LRP1B: variants seen among roughly 807,000 people sequenced by gnomAD.
LRP1B encodes low-density lipoprotein receptor-related protein 1B.
In LRP1B, 217 loss-of-function variants were observed where a neutral mutation model predicts 556.6. That is an observed-to-expected ratio of 0.39 (90% CI 0.35 to 0.44). The LOEUF (loss-of-function observed/expected upper bound fraction) is 0.44. Among genes scored for constraint, LRP1B ranks in the 20% least tolerant of loss-of-function variants. LRP1B has a pLI of 1.00. For missense variants in LRP1B, 5,053 were observed against 5,620.8 expected (o/e 0.90, Z 3.23); for synonymous variants, 2,047 against 1,865.8 (o/e 1.10, Z -2.50).
intron 32 of LRP1B, among the ~76,000 whole-genome samples, chr2:140,807,182 A>T (rs1393916305): frequency 1.3e-5 from 2 of 152,202 alleles, no homozygotes; most frequent in African/African-American, 2.4e-5. Context: ...ATAAATAAAA[A>T]TTAAAAATCC....
intron 7 of LRP1B, among the ~76,000 whole-genome samples, chr2:141,129,909 G>T (rs1308772133): frequency 1.3e-5 from 2 of 151,926 alleles, no homozygotes; most frequent in Non-Finnish European, 2.9e-5. Context: ...AATCAACAGA[G>T]AAATTTTATA....
At chr2:141,903,610 TA>T (rs992337874) in intron 1 of LRP1B, among the ~76,000 whole-genome samples, 3 of 151,970 alleles carry the variant, frequency 2.0e-5, no homozygotes, top group African/African-American at 7.2e-5. Flanking sequence ...TGAGAATAAT[TA>T]ATCTATTTTG....
chr2:140,265,343 G>A (rs777980723), intron 86 of LRP1B, among the ~76,000 whole-genome samples: 11 of 151,922 alleles, frequency 7.2e-5, no homozygotes, highest in Non-Finnish European at 1.0e-4. Context: ...ATGTAAAAAT[G>A]TCCCCCAAAT....
chr2:141,697,436 T>C (rs902176808), intron 2 of LRP1B, among the ~76,000 whole-genome samples: 4 of 151,958 alleles, frequency 2.6e-5, no homozygotes, highest in Non-Finnish European at 5.9e-5. Context: ...AGGCAGTAAA[T>C]ATGACATTTG....
intron 7 of LRP1B, among the ~76,000 whole-genome samples, chr2:141,091,845 G>T (rs937936248): frequency 6.6e-6 from 1 of 152,166 alleles, no homozygotes; most frequent in African/African-American, 2.4e-5. Context: ...CTGTTGTTGG[G>T]CTCTGTGGTG....
intron 3 of LRP1B, among the ~76,000 whole-genome samples, chr2:141,404,773 C>T (rs1217682472): frequency 1.3e-5 from 2 of 152,100 alleles, no homozygotes; most frequent in Non-Finnish European, 2.9e-5. Context: ...TCTTTGAATC[C>T]TTCTAAGATG....
At chr2:142,086,827 T>C (rs1178190936) in intron 1 of LRP1B, among the ~76,000 whole-genome samples, 6 of 152,216 alleles carry the variant, frequency 3.9e-5, no homozygotes, top group Non-Finnish European at 8.8e-5. Context: ...TTGAAAAGAC[T>C]GAATACTGTA....
At chr2:140,664,781 T>A (rs754683554) in intron 41 of LRP1B, among the ~76,000 whole-genome samples, 1 of 152,064 alleles carries the variant, frequency 6.6e-6, no homozygotes, top group Non-Finnish European at 1.5e-5. Flanking sequence ...CTTTGTGACA[T>A]CTTTCCCTGA....
intron 2 of LRP1B, among the ~76,000 whole-genome samples, chr2:141,599,963 C>T (rs957735384): frequency 2.6e-5 from 4 of 152,116 alleles, no homozygotes; most frequent in African/African-American, 7.2e-5. Flanking sequence ...GCTCCACACA[C>T]ACCCACACCT....
chr2:141,014,108 A>G (rs573609656), intron 13 of LRP1B, among the ~76,000 whole-genome samples: 1 of 152,220 alleles, frequency 6.6e-6, no homozygotes, highest in East Asian at 1.9e-4. Context: ...TCAGTATCAT[A>G]TCCTGGGATA....
At chr2:141,972,123 A>T (rs1410563002) in intron 1 of LRP1B, among the ~76,000 whole-genome samples, 1 of 151,590 alleles carries the variant, frequency 6.6e-6, no homozygotes, top group Non-Finnish European at 1.5e-5. Flanking sequence ...AAACAAATAC[A>T]TGTATATTAT....
chr2:141,256,043 T>G (rs384507), intron 3 of LRP1B, among the ~76,000 whole-genome samples: 58,702 of 151,572 alleles, frequency 0.39, 11,445 homozygotes, highest in South Asian at 0.51. Flanking sequence ...AAGTGAGTGG[T>G]ATTAAGTGGA....
At chr2:141,643,786 CCT>C (rs1298124626) in intron 2 of LRP1B, among the ~76,000 whole-genome samples, 5 of 152,020 alleles carry the variant, frequency 3.3e-5, no homozygotes, top group African/African-American at 7.2e-5. Flanking sequence ...GCTGTGACCC[CCT>C]GTCTTCAACA....
chr2:141,852,541 AAAT>A (rs748949530), intron 1 of LRP1B, among the ~76,000 whole-genome samples: 48 of 151,928 alleles, frequency 3.2e-4, no homozygotes, highest in Middle Eastern at 3.4e-3. Context: ...GTAATACAAG[AAAT>A]AATAATCACA....
At chr2:140,253,438 T>C (rs915683264) in intron 86 of LRP1B, among the ~76,000 whole-genome samples, 2 of 152,054 alleles carry the variant, frequency 1.3e-5, no homozygotes, top group Non-Finnish European at 2.9e-5. Context: ...TAAAGTAATT[T>C]TTAAGAATGG....
intron 3 of LRP1B, among the ~76,000 whole-genome samples, chr2:141,326,602 A>T (rs1687439821): frequency 6.6e-6 from 1 of 152,160 alleles, no homozygotes; most frequent in Non-Finnish European, 1.5e-5. Flanking sequence ...CCCCAGAAAC[A>T]TTTGTCAATG....
intron 32 of LRP1B, among the ~76,000 whole-genome samples, chr2:140,789,083 T>C (rs1690014489): frequency 6.6e-6 from 1 of 152,176 alleles, no homozygotes. Context: ...TATTCTGTTA[T>C]GGGCCCTAGG....
intron 7 of LRP1B, among the ~76,000 whole-genome samples, chr2:141,068,457 G>T (rs1558838003): frequency 6.6e-6 from 1 of 150,852 alleles, no homozygotes; most frequent in Non-Finnish European, 1.5e-5. Flanking sequence ...TTTGCATAGT[G>T]CAAGAGAAAG....
intron 2 of LRP1B, among the ~76,000 whole-genome samples, chr2:141,727,255 G>C (rs1054788206): frequency 2.0e-5 from 3 of 152,086 alleles, no homozygotes; most frequent in African/African-American, 7.2e-5. Context: ...GAGGCCCTGT[G>C]GGTTATATCT....
Sources: gnomAD v4.1 joint callset for allele counts (sites outside exome capture counted in the v4.1 genomes callset) on GRCh38, gnomAD v4.1.1 for gene constraint, MANE v1.5 for transcripts, NCBI Gene and HGNC (gene_info 2026-07-23, HGNC 2026-07-21) for gene names.